Variants in CCDC171 observed in about 807,000 individuals in gnomAD.
CCDC171 encodes the protein coiled-coil domain-containing protein 171.
CCDC171 carries 177 observed loss-of-function variants against 168.2 expected under a neutral mutation model. The ratio of observed to expected loss-of-function variants is 1.05; its 90% CI spans 0.93 to 1.19. The LOEUF is 1.19. CCDC171 is among the 50% of genes most tolerant of loss of function. The pLI is 0.00. For synonymous variants in CCDC171, 687 were observed against 540.8 expected (o/e 1.27, Z -3.75); for missense variants, 1,991 against 1,539.0 (o/e 1.29, Z -4.91).
At chr9:15,677,439 A>C (rs1380035402) in intron 9 of CCDC171, among the ~76,000 whole-genome samples, 1 of 152,094 alleles carries the variant, frequency 6.6e-6, no homozygotes, top group Non-Finnish European at 1.5e-5. Context: ...TGTGCTACTC[A>C]AAAATTACCT....
chr9:15,912,911 T>G (rs1823920791), intron 24 of CCDC171, among the ~76,000 whole-genome samples: 1 of 152,228 alleles, frequency 6.6e-6, no homozygotes, highest in African/African-American at 2.4e-5. Flanking sequence ...GTGGATAAGC[T>G]TTTTGATGTG....
chr9:15,729,750 A>G lies in CCDC171; in HGVS notation c.2001A>G (p.Leu667=). ...ESCWHRQKKE[L]ELQYSELFLE... ...GCTGGCACAGACAAAAGAAGGAACTAGAGCTGCAGTATTCTGAACTCTTCC... is the reference window on the plus strand; with the variant it reads ...GCTGGCACAGACAAAAGAAGGAACTGGAGCTGCAGTATTCTGAACTCTTCC... Residue 667 remains leucine, a synonymous_variant, in exon 16 of 26, where the codon CTA becomes CTG. Coordinates refer to ENST00000380701, the MANE Select transcript of CCDC171 (RefSeq NM_173550.4). The G allele has an allele frequency of 6.2e-7, 1 of 1,613,360 alleles. No individual in the cohort carries two copies. Among genetic ancestry groups the G allele is most frequent in the South Asian group, 1.1e-5 (1 of 91,030 alleles).
At chr9:15,752,971 A>G (rs944574015) in intron 18 of CCDC171, among the ~76,000 whole-genome samples, 2 of 152,122 alleles carry the variant, frequency 1.3e-5, no homozygotes, top group Non-Finnish European at 1.5e-5. Context: ...TTCTTAAGCT[A>G]TCTTCTTGTT....
intron 6 of CCDC171, among the ~76,000 whole-genome samples, chr9:15,599,475 C>T (rs1258734233): frequency 8.5e-5 from 13 of 152,118 alleles, no homozygotes. Flanking sequence ...TGAATATTGG[C>T]CCCCACTCTC....
At chr9:15,715,363 C>T (rs774653533) in intron 11 of CCDC171, among the ~76,000 whole-genome samples, 1 of 152,132 alleles carries the variant, frequency 6.6e-6, no homozygotes, top group Non-Finnish European at 1.5e-5. Context: ...GTGATTAAGA[C>T]AATATACAGT....
intron 9 of CCDC171, among the ~76,000 whole-genome samples, chr9:15,667,056 A>G (rs1454614453): frequency 6.6e-6 from 1 of 152,222 alleles, no homozygotes; most frequent in African/African-American, 2.4e-5. Context: ...AAGTGGCAGA[A>G]TTAGAATCTT....
At chr9:15,771,616 T>C (rs2057017987) in intron 18 of CCDC171, among the ~76,000 whole-genome samples, 1 of 152,178 alleles carries the variant, frequency 6.6e-6, no homozygotes. Context: ...TTAATTTTGC[T>C]TGTGATATTT....
At chr9:15,625,912 A>T (rs1417674971) in intron 7 of CCDC171, among the ~76,000 whole-genome samples, 4 of 152,120 alleles carry the variant, frequency 2.6e-5, no homozygotes, top group Non-Finnish European at 5.9e-5. Context: ...CTTGGGGAGT[A>T]TGGCCATTTT....
At chr9:15,646,249 A>G (rs1317725309) in intron 7 of CCDC171, among the ~76,000 whole-genome samples, 1 of 152,232 alleles carries the variant, frequency 6.6e-6, no homozygotes, top group South Asian at 2.1e-4. Flanking sequence ...TGAAGGAAGC[A>G]ATAAACATGG....
intron 7 of CCDC171, among the ~76,000 whole-genome samples, chr9:15,645,590 C>T (rs1050495137): frequency 4.6e-5 from 7 of 152,018 alleles, no homozygotes; most frequent in South Asian, 2.1e-4. Context: ...ACGAGAACTA[C>T]GTGATGCATG....
At chr9:15,912,672 G>A (rs551224565) in intron 24 of CCDC171, among the ~76,000 whole-genome samples, 93 of 152,276 alleles carry the variant, frequency 6.1e-4, no homozygotes, top group African/African-American at 2.0e-3. Flanking sequence ...TTGGCTGTGC[G>A]TTTGTCATAA....
intron 21 of CCDC171, among the ~76,000 whole-genome samples, chr9:15,844,785 T>C (rs2060826839): frequency 6.6e-6 from 1 of 152,086 alleles, no homozygotes; most frequent in Non-Finnish European, 1.5e-5. Context: ...TTATGAGGTA[T>C]ATCTTCTTTG....
rs1269070884 is a variant in CCDC171, at chr9:15,999,233, AAGAT to A, written n.369-21352_369-21349del. 1.8e-4 allele frequency among the ~76,000 whole-genome samples: 28 copies of A among 151,734 alleles called. 1 individual carries two copies. Among genetic ancestry groups the A allele is most frequent in the African/African-American group, 5.3e-4 (22 of 41,386 alleles). ...TGAAAAAAAAAGGAAAAGAGGAAGA[AAGAT>A]AGAAAGAAAAGAAAGAAAGAGAGAA... On this transcript the variant is annotated intron_variant and non_coding_transcript_variant, in intron 3 of 9. Transcript: ENST00000486641.
At chr9:15,999,427 G>GGAGGGAGA (rs1299602507) in intron 3 of CCDC171, among the ~76,000 whole-genome samples, 31 of 151,450 alleles carry the variant, frequency 2.0e-4, no homozygotes, top group Admixed American at 2.0e-3. Flanking sequence ...AGGGAGGGAG[G>GGAGGGAGA]GAGGGAGAGA....
At chr9:15,653,412 G>T (rs760901379) in intron 7 of CCDC171, among the ~76,000 whole-genome samples, 4 of 152,092 alleles carry the variant, frequency 2.6e-5, no homozygotes, top group Non-Finnish European at 5.9e-5. Flanking sequence ...GAAGTGTGGG[G>T]ATTACAAGTG....
chr9:15,788,790 C>T (rs1228543338), intron 21 of CCDC171, among the ~76,000 whole-genome samples: 2 of 151,922 alleles, frequency 1.3e-5, no homozygotes, highest in East Asian at 1.9e-4. Context: ...TGAGTTCAAG[C>T]GATCCCCTTG....
At chr9:15,792,905 A>G (rs960870624) in intron 21 of CCDC171, among the ~76,000 whole-genome samples, 32 of 152,296 alleles carry the variant, frequency 2.1e-4, no homozygotes, top group Non-Finnish European at 4.3e-4. Context: ...CTAGGAAGAA[A>G]CTGCATCAAC....
intron 21 of CCDC171, among the ~76,000 whole-genome samples, chr9:15,798,875 C>G (rs905378190): frequency 6.6e-6 from 1 of 151,702 alleles, no homozygotes; most frequent in Non-Finnish European, 1.5e-5. Context: ...TTAGGGGCTG[C>G]TGTAGTGTTT....
At chr9:15,636,749 C>CAAA (rs35778640) in intron 7 of CCDC171, among the ~76,000 whole-genome samples, 6 of 64,664 alleles carry the variant, frequency 9.3e-5, no homozygotes, top group Admixed American at 2.2e-4. Context: ...GACCCTGCCT[C>CAAA]AAAAAAAAAA....
Sources: allele counts gnomAD v4.1 joint callset (sites outside exome capture counted in the v4.1 genomes callset), GRCh38; gene constraint gnomAD v4.1.1; transcripts MANE v1.5; gene names NCBI Gene and HGNC (gene_info 2026-07-23, HGNC 2026-07-21).